The following NOS1AP variants were observed in gnomAD, a reference collection of about 807,000 sequenced individuals.
NOS1AP encodes the protein carboxyl-terminal PDZ ligand of neuronal nitric oxide synthase protein.
In NOS1AP, 21 loss-of-function variants were observed where a neutral mutation model predicts 56.2. The observed-to-expected ratio is 0.37, with a 90% CI of 0.26 to 0.54. The LOEUF (loss-of-function observed/expected upper bound fraction) is 0.54. NOS1AP is among the 20% of genes least tolerant of loss of function. NOS1AP has a pLI of 0.84. For synonymous variants in NOS1AP, 270 were observed against 274.6 expected (o/e 0.98, Z 0.17); for missense variants, 522 against 657.8 (o/e 0.79, Z 2.26).
At chr1:162,159,294 G>A (rs1481187513) in intron 2 of NOS1AP, among the ~76,000 whole-genome samples, 1 of 152,144 alleles carries the variant, frequency 6.6e-6, no homozygotes, top group Non-Finnish European at 1.5e-5. Context: ...CCTTGGTGAG[G>A]CATGTAACTG....
At position 162,123,654 on chromosome 1, in the gene NOS1AP, A is replaced by T. The variant is rs954088236; in HGVS notation, c.106-30751A>T. 2.1e-4 allele frequency among the ~76,000 whole-genome samples: 32 copies of T among 152,222 alleles called. 1 individual carries two copies. The highest frequency in any genetic ancestry group is 2.0e-4 in the Admixed American group (3 of 15,284). The stretch of plus-strand genomic sequence containing the variant: ...ACTATTCTGTGTATTTGAAATTTTT[A>T]AATTTCTTATTTTGAAATCGTTTCA... On this transcript the variant is annotated intron_variant, in intron 1 of 9. Coordinates refer to ENST00000361897, the MANE Select transcript of NOS1AP (RefSeq NM_014697.3).
chr1:162,267,087 A>G (rs930558331), intron 2 of NOS1AP, among the ~76,000 whole-genome samples: 1 of 152,204 alleles, frequency 6.6e-6, no homozygotes, highest in Non-Finnish European at 1.5e-5. Flanking sequence ...GATCACAATG[A>G]CATAGAGTGA....
intron 3 of NOS1AP, among the ~76,000 whole-genome samples, chr1:162,298,956 G>C (rs995247369): frequency 1.9e-4 from 29 of 152,224 alleles, no homozygotes; most frequent in African/African-American, 6.8e-4. Context: ...TAAATTAAAA[G>C]TGCAGGTAGA....
chr1:162,151,007 C>T (rs994686555), intron 1 of NOS1AP, among the ~76,000 whole-genome samples: 1 of 152,162 alleles, frequency 6.6e-6, no homozygotes, highest in Non-Finnish European at 1.5e-5. Flanking sequence ...TGCCTGTGCT[C>T]ATGGGGTATT....
At chr1:162,238,907 A>G (rs1653391653) in intron 2 of NOS1AP, among the ~76,000 whole-genome samples, 1 of 152,240 alleles carries the variant, frequency 6.6e-6, no homozygotes, top group Admixed American at 6.5e-5. Flanking sequence ...ATCCACTTGG[A>G]AGAAAGCAAA....
chr1:162,297,412 C>T (rs927633089), intron 3 of NOS1AP, among the ~76,000 whole-genome samples: 1 of 152,176 alleles, frequency 6.6e-6, no homozygotes, highest in African/African-American at 2.4e-5. Context: ...CTGAGGTGGG[C>T]CCTGGCCTGA....
chr1:162,172,297 G>A (rs1571095425), intron 2 of NOS1AP, among the ~76,000 whole-genome samples: 1 of 152,234 alleles, frequency 6.6e-6, no homozygotes, highest in South Asian at 2.1e-4. Context: ...GGGTGGTAGG[G>A]TAGCTGTAGC....
intron 2 of NOS1AP, among the ~76,000 whole-genome samples, chr1:162,271,495 A>G (rs749919929): frequency 3.9e-5 from 6 of 152,210 alleles, no homozygotes; most frequent in Non-Finnish European, 5.9e-5. Context: ...ACTGTGTAAA[A>G]TGCTCAATAC....
chr1:162,361,193 C>T (rs1657893097), intron 8 of NOS1AP, among the ~76,000 whole-genome samples: 1 of 152,114 alleles, frequency 6.6e-6, no homozygotes, highest in Non-Finnish European at 1.5e-5. Flanking sequence ...GCAAAGGAGA[C>T]ACTAATTTGT....
chr1:162,155,928 A>G (rs1168012092), intron 2 of NOS1AP, among the ~76,000 whole-genome samples: 1 of 152,188 alleles, frequency 6.6e-6, no homozygotes, highest in East Asian at 1.9e-4. Context: ...CTACTCACCT[A>G]AATGGAAAAA....
intron 1 of NOS1AP, among the ~76,000 whole-genome samples, chr1:162,083,807 C>T (rs1209492396): frequency 6.6e-6 from 1 of 152,090 alleles, no homozygotes; most frequent in Admixed American, 6.5e-5. Context: ...AATACAGAGG[C>T]GCAGGCTTAT....
intron 2 of NOS1AP, among the ~76,000 whole-genome samples, chr1:162,238,487 A>G (rs538325561): frequency 1.8e-4 from 27 of 152,258 alleles, no homozygotes; most frequent in South Asian, 2.1e-4. Flanking sequence ...TGTTTTTGTT[A>G]TTGTTGTCTT....
chr1:162,161,556 G>A (rs943787202), intron 2 of NOS1AP, among the ~76,000 whole-genome samples: 5 of 152,174 alleles, frequency 3.3e-5, no homozygotes, highest in African/African-American at 1.2e-4. Context: ...GAAGTGCCTA[G>A]CATGTGGATT....
At chr1:162,103,084 T>C (rs1251072419) in intron 1 of NOS1AP, among the ~76,000 whole-genome samples, 1 of 152,190 alleles carries the variant, frequency 6.6e-6, no homozygotes, top group Non-Finnish European at 1.5e-5. Flanking sequence ...GCTATAAATT[T>C]CCCTCTTAAC....
At chr1:162,184,962 C>G (rs949124181) in intron 2 of NOS1AP, among the ~76,000 whole-genome samples, 3 of 152,214 alleles carry the variant, frequency 2.0e-5, no homozygotes, top group Non-Finnish European at 2.9e-5. Context: ...CACTATGGGT[C>G]TCACTGGGCT....
intron 2 of NOS1AP, among the ~76,000 whole-genome samples, chr1:162,203,163 GT>G (rs11293245): frequency 0.83 from 126,040 of 152,092 alleles, 52,555 homozygotes; most frequent in East Asian, 0.88. Context: ...AAAAAAGGCT[GT>G]TTTTTTCCCT....
intron 1 of NOS1AP, among the ~76,000 whole-genome samples, chr1:162,112,457 T>C (rs1415559997): frequency 1.3e-5 from 2 of 152,206 alleles, no homozygotes; most frequent in South Asian, 2.1e-4. Flanking sequence ...TTCAAACCCC[T>C]CTGGGTTCCA....
intron 2 of NOS1AP, among the ~76,000 whole-genome samples, chr1:162,243,322 C>T (rs1222773402): frequency 1.3e-5 from 2 of 152,110 alleles, no homozygotes; most frequent in East Asian, 3.8e-4. Context: ...TGATGAGGGG[C>T]AATGGGCATG....
chr1:162,187,014 T>C lies in NOS1AP; in HGVS notation c.177+32538T>C, dbSNP rs193068839. On this transcript the variant is annotated intron_variant, in intron 2 of 9. Transcript: ENST00000361897. ...CAGGGTCTCACTTTGTCACCCAGGC[T>C]GTAGTGGAGTGACCTGATCTCGGCT... Among the ~76,000 whole-genome samples, 84 of 152,316 alleles carry C rather than the reference T, an allele frequency of 5.5e-4. 1 individual carries two copies. Among genetic ancestry groups the C allele is most frequent in the Middle Eastern group, 3.4e-3 (1 of 294 alleles).
Sources: gnomAD v4.1 joint callset for allele counts (sites outside exome capture counted in the v4.1 genomes callset) on GRCh38, gnomAD v4.1.1 for gene constraint, MANE v1.5 for transcripts, NCBI Gene and HGNC (gene_info 2026-07-23, HGNC 2026-07-21) for gene names.